Variants in MPPED2 observed in about 807,000 individuals in gnomAD.
MPPED2 encodes metallophosphoesterase MPPED2.
A neutral mutation model predicts 33.0 loss-of-function variants in MPPED2; 5 were observed. That is an observed-to-expected ratio of 0.15 (90% confidence interval 0.08 to 0.32). MPPED2 has a LOEUF of 0.32. MPPED2 is among the 10% of genes least tolerant of loss of function. The pLI, the probability that MPPED2 is intolerant of heterozygous loss-of-function variation, is 1.00. For missense variants in MPPED2, 275 were observed against 372.1 expected, an observed-to-expected ratio of 0.74 and a Z score of 2.15; for synonymous variants, 136 against 141.9, an observed-to-expected ratio of 0.96 and a Z score of 0.29.
intron 3 of MPPED2, among the ~76,000 whole-genome samples, chr11:30,524,630 T>A (rs562653482): frequency 5.3e-5 from 8 of 152,264 alleles, no homozygotes; most frequent in Admixed American, 2.0e-4. Context: ...GATATTATTA[T>A]TGGGGGATTC....
At chr11:30,518,978 CAT>C (rs1953695128) in intron 3 of MPPED2, among the ~76,000 whole-genome samples, 1 of 152,004 alleles carries the variant, frequency 6.6e-6, no homozygotes, top group Non-Finnish European at 1.5e-5. Context: ...TTTTGGAATT[CAT>C]ATATAAAATC....
intron 4 of MPPED2, among the ~76,000 whole-genome samples, chr11:30,479,849 G>A (rs528239503): frequency 6.6e-6 from 1 of 152,192 alleles, no homozygotes; most frequent in African/African-American, 2.4e-5. Flanking sequence ...GAGAGAGACT[G>A]AGAAATTTGC....
intron 4 of MPPED2, among the ~76,000 whole-genome samples, chr11:30,460,019 G>A (rs2133996084): frequency 6.6e-6 from 1 of 152,314 alleles, no homozygotes; most frequent in South Asian, 2.1e-4. Flanking sequence ...GAATGAGAAA[G>A]CACTGGGAGC....
At chr11:30,474,945 C>T (rs1028989694) in intron 4 of MPPED2, among the ~76,000 whole-genome samples, 1 of 152,098 alleles carries the variant, frequency 6.6e-6, no homozygotes, top group Admixed American at 6.6e-5. Flanking sequence ...CATAACTTGA[C>T]AGATTAGAGA....
chr11:30,546,423 AT>A (rs1308287444), intron 2 of MPPED2, among the ~76,000 whole-genome samples: 6 of 152,040 alleles, frequency 3.9e-5, no homozygotes, highest in Non-Finnish European at 7.4e-5. Flanking sequence ...ACTCTACAAG[AT>A]TTCTTTTTTA....
chr11:30,437,986 C>T (rs763807140), intron 4 of MPPED2, among the ~76,000 whole-genome samples: 2 of 152,112 alleles, frequency 1.3e-5, no homozygotes, highest in Non-Finnish European at 2.9e-5. Context: ...TCTGGCATAT[C>T]TTCCTGGGCC....
chr11:30,509,657 C>T (rs1027865684), intron 3 of MPPED2, among the ~76,000 whole-genome samples: 11 of 152,146 alleles, frequency 7.2e-5, no homozygotes, highest in Non-Finnish European at 1.6e-4. Context: ...AGAATCCATG[C>T]TAATTTATGT....
At chr11:30,561,641 C>G (rs1590865925) in intron 2 of MPPED2, among the ~76,000 whole-genome samples, 2 of 152,274 alleles carry the variant, frequency 1.3e-5, no homozygotes, top group East Asian at 3.9e-4. Flanking sequence ...GGGTTATTAT[C>G]AAAGCCAACT....
At chr11:30,498,865 G>A (rs1444713706) in intron 3 of MPPED2, among the ~76,000 whole-genome samples, 2 of 152,202 alleles carry the variant, frequency 1.3e-5, no homozygotes, top group African/African-American at 2.4e-5. Flanking sequence ...ATGGTAGGAA[G>A]TGAATTAATG....
intron 4 of MPPED2, among the ~76,000 whole-genome samples, chr11:30,438,283 T>G (rs1328641084): frequency 6.6e-6 from 1 of 152,200 alleles, no homozygotes; most frequent in Non-Finnish European, 1.5e-5. Context: ...GAGCTTCCAT[T>G]TATTATTTCA....
chr11:30,466,940 G>T (rs964899921), intron 4 of MPPED2, among the ~76,000 whole-genome samples: 12 of 152,150 alleles, frequency 7.9e-5, no homozygotes, highest in African/African-American at 2.7e-4. Context: ...TTGAATACGT[G>T]TGTGTATGTA....
intron 4 of MPPED2, among the ~76,000 whole-genome samples, chr11:30,456,466 G>A (rs1411357098): frequency 1.3e-5 from 2 of 152,060 alleles, no homozygotes; most frequent in Non-Finnish European, 2.9e-5. Context: ...TACATCACTT[G>A]GGCGGTAAAG....
chr11:30,548,076 T>C (rs1461114593), intron 2 of MPPED2, among the ~76,000 whole-genome samples: 1 of 152,188 alleles, frequency 6.6e-6, no homozygotes, highest in African/African-American at 2.4e-5. Context: ...CTTTGGACCA[T>C]GGCTTTCCCA....
At chr11:30,512,596 G>A (rs1308586243) in intron 3 of MPPED2, among the ~76,000 whole-genome samples, 1 of 152,126 alleles carries the variant, frequency 6.6e-6, no homozygotes, top group East Asian at 1.9e-4. Context: ...AAAAATCACT[G>A]CCCCAGAACC....
At chr11:30,581,818 C>T (rs1957182691) in intron 1 of MPPED2, among the ~76,000 whole-genome samples, 1 of 152,050 alleles carries the variant, frequency 6.6e-6, no homozygotes, top group Non-Finnish European at 1.5e-5. Flanking sequence ...TAAATAACAC[C>T]CACCTTGCCT....
In MPPED2 at chr11:30,583,134, CTTTTTTT is replaced by C. The variant is rs199611856; in HGVS notation, c.-121-2647_-121-2641del. Among the ~76,000 whole-genome samples the C allele has an allele frequency of 4.7e-3, 451 of 96,660 alleles. 6 individuals are homozygous for C. The highest frequency in any genetic ancestry group is 5.0e-3 in the Non-Finnish European group (253 of 50,522). 63.4% of individuals were successfully genotyped at this position (96,660 alleles called of 152,430 possible). ...CACAAACACCTGGAAAAGACTTTTT[CTTTTTTT>C]TTTTTTTTTTTTTTTTTTTTTTTTG... On this transcript the variant is annotated intron_variant, in intron 1 of 6. Transcript: ENST00000358117.
At chr11:30,574,354 G>T (rs193154215) in intron 2 of MPPED2, among the ~76,000 whole-genome samples, 1 of 152,160 alleles carries the variant, frequency 6.6e-6, no homozygotes, top group Non-Finnish European at 1.5e-5. Context: ...ATATAGGTTT[G>T]TAGACTAGGA....
Position 30,420,933 on chromosome 11 carries a change from C to T in MPPED2, c.537-3300G>A, listed in dbSNP as rs531228544. 5.9e-5 allele frequency among the ~76,000 whole-genome samples: 9 copies of T among 152,212 alleles called. No homozygotes were observed. In the South Asian group the frequency reaches 8.3e-4, roughly 14 times the overall value. ...TAAAAACAAAACAAAAAGGCAACTT[C>T]GAAACCCAATGAAAACTCAGTGAGC... On this transcript the variant is annotated intron_variant, in intron 4 of 6. Coordinates refer to ENST00000358117, the MANE Select transcript of MPPED2 (RefSeq NM_001584.3).
At chr11:30,551,829 C>T (rs1406879100) in intron 2 of MPPED2, among the ~76,000 whole-genome samples, 1 of 152,164 alleles carries the variant, frequency 6.6e-6, no homozygotes, top group African/African-American at 2.4e-5. Context: ...TCAGTATTCT[C>T]ACATCTGTGT....
Sources: allele counts gnomAD v4.1 joint callset (sites outside exome capture counted in the v4.1 genomes callset), GRCh38; gene constraint gnomAD v4.1.1; transcripts MANE v1.5; gene names NCBI Gene and HGNC (gene_info 2026-07-23, HGNC 2026-07-21).